The following ATG10 variants were observed in gnomAD, a reference collection of about 807,000 sequenced individuals.
ATG10 encodes the protein autophagy related 10, also known as ubiquitin-like-conjugating enzyme ATG10.
Under a neutral mutation model 32.1 loss-of-function variants are expected in ATG10, and 30 were observed. The observed-to-expected ratio is 0.94, with a 90% CI of 0.70 to 1.27. ATG10 has a LOEUF of 1.27. Among genes scored for constraint, ATG10 ranks in the 50% most tolerant of loss-of-function variants. The probability of loss-of-function intolerance (pLI) is 0.00; values close to 1 mark genes in which losing one functional copy is unlikely to be tolerated. For missense variants in ATG10, 233 were observed against 262.3 expected, an observed-to-expected ratio of 0.89 and a Z score of 0.77; for synonymous variants, 87 against 91.5, an observed-to-expected ratio of 0.95 and a Z score of 0.28.
At chr5:82,176,015 T>C (rs1744005514) in intron 4 of ATG10, among the ~76,000 whole-genome samples, 2 of 152,182 alleles carry the variant, frequency 1.3e-5, no homozygotes, top group South Asian at 2.1e-4. Flanking sequence ...TGCCCAATTA[T>C]ATAAAACATC....
intron 5 of ATG10, among the ~76,000 whole-genome samples, chr5:82,214,207 A>T (rs903604205): frequency 1.3e-5 from 2 of 152,252 alleles, no homozygotes; most frequent in African/African-American, 4.8e-5. Context: ...AATCACAAAT[A>T]TTTAAATATG....
At chr5:82,110,428 C>T (rs1428489470) in intron 3 of ATG10, among the ~76,000 whole-genome samples, 2 of 152,116 alleles carry the variant, frequency 1.3e-5, no homozygotes, top group African/African-American at 2.4e-5. Context: ...AGTGTAAAAG[C>T]ATTCCTATTT....
chr5:82,127,913 T>C lies in ATG10; in HGVS notation c.217-36486T>C, dbSNP rs372136437. 2.6e-5 allele frequency among the ~76,000 whole-genome samples: 4 copies of C among 152,120 alleles called. 1 individual carries two copies. Among genetic ancestry groups the C allele is most frequent in the South Asian group, 4.2e-4 (2 of 4,804 alleles). On this transcript the variant is annotated intron_variant, in intron 3 of 7. Coordinates refer to ENST00000282185, the MANE Select transcript of ATG10 (RefSeq NM_031482.5). ...GTCTTCCACTATTATTGTGTGGGAGTCTAAGTCTCTTTGTAGGTCTCTAAG... is the reference window on the plus strand; with the variant it reads ...GTCTTCCACTATTATTGTGTGGGAGCCTAAGTCTCTTTGTAGGTCTCTAAG...
intron 5 of ATG10, among the ~76,000 whole-genome samples, chr5:82,193,326 T>G (rs1744729235): frequency 6.6e-6 from 1 of 152,244 alleles, no homozygotes; most frequent in African/African-American, 2.4e-5. Context: ...CATGTCTAAG[T>G]AGCTTCCTCT....
intron 3 of ATG10, among the ~76,000 whole-genome samples, chr5:82,100,348 G>A (rs1042638979): frequency 6.6e-6 from 1 of 151,904 alleles, no homozygotes; most frequent in Non-Finnish European, 1.5e-5. Context: ...ATAAATGGGT[G>A]GTGGTGTTTT....
At chr5:82,151,188 A>G (rs1035086548) in intron 3 of ATG10, among the ~76,000 whole-genome samples, 1 of 152,346 alleles carries the variant, frequency 6.6e-6, no homozygotes, top group African/African-American at 2.4e-5. Context: ...GTTAGGCTCT[A>G]CTAATATTTA....
intron 3 of ATG10, among the ~76,000 whole-genome samples, chr5:82,120,955 C>A (rs890507221): frequency 9.9e-5 from 15 of 152,042 alleles, no homozygotes; most frequent in African/African-American, 3.4e-4. Flanking sequence ...ATTTGAAAAT[C>A]CTTTGAACTT....
intron 5 of ATG10, among the ~76,000 whole-genome samples, chr5:82,234,710 A>T (rs1459727695): frequency 6.6e-6 from 1 of 152,130 alleles, no homozygotes; most frequent in East Asian, 1.9e-4. Context: ...TCAACCTCTT[A>T]GTATTATTAT....
intron 3 of ATG10, among the ~76,000 whole-genome samples, chr5:82,085,682 T>A (rs548441468): frequency 1.3e-5 from 2 of 151,956 alleles, no homozygotes; most frequent in East Asian, 3.8e-4. Context: ...ACATGTAGAA[T>A]ATAGAATTGC....
At chr5:82,006,570 A>G (rs1761991787) in intron 2 of ATG10, among the ~76,000 whole-genome samples, 1 of 152,198 alleles carries the variant, frequency 6.6e-6, no homozygotes, top group Admixed American at 6.5e-5. Flanking sequence ...ATAATTATAT[A>G]TTAAAATTAA....
chr5:81,997,120 C>T (rs1445838427), intron 2 of ATG10, among the ~76,000 whole-genome samples: 1 of 152,178 alleles, frequency 6.6e-6, no homozygotes, highest in African/African-American at 2.4e-5. Context: ...CTGCACCCTC[C>T]AGTCCCCAGC....
At chr5:82,062,290 CT>C (rs1442229478) in intron 3 of ATG10, among the ~76,000 whole-genome samples, 2 of 151,922 alleles carry the variant, frequency 1.3e-5, no homozygotes, top group African/African-American at 4.8e-5. Flanking sequence ...ATGATAAACC[CT>C]TCATCTTCCA....
At chr5:82,054,170 G>A (rs1763513642) in intron 2 of ATG10, among the ~76,000 whole-genome samples, 1 of 152,130 alleles carries the variant, frequency 6.6e-6, no homozygotes. Flanking sequence ...ATTGGTCTGA[G>A]GTGAGACACC....
At chr5:82,220,635 CT>C (rs1189095698) in intron 5 of ATG10, among the ~76,000 whole-genome samples, 202 of 142,824 alleles carry the variant, frequency 1.4e-3, no homozygotes, top group Middle Eastern at 7.6e-3. Context: ...CTCTCTCTCT[CT>C]TTTTTTTTTT....
intron 2 of ATG10, among the ~76,000 whole-genome samples, chr5:81,998,967 T>G (rs1483917845): frequency 2.6e-5 from 4 of 152,116 alleles, no homozygotes; most frequent in Non-Finnish European, 5.9e-5. Flanking sequence ...TTGACAGTAT[T>G]AGATTGTTGA....
chr5:82,197,530 G>A (rs1006353430), intron 5 of ATG10, among the ~76,000 whole-genome samples: 2 of 151,846 alleles, frequency 1.3e-5, no homozygotes, highest in African/African-American at 2.4e-5. Flanking sequence ...CTGTCTGTCT[G>A]TCTTTCTTGG....
chr5:82,238,451 G>A (rs1428492827), intron 5 of ATG10, among the ~76,000 whole-genome samples: 1 of 151,644 alleles, frequency 6.6e-6, no homozygotes, highest in Non-Finnish European at 1.5e-5. Flanking sequence ...ACCTTTAGGA[G>A]TCTTTCTTCT....
intron 3 of ATG10, among the ~76,000 whole-genome samples, chr5:82,139,603 CG>C (rs1766964219): frequency 6.8e-6 from 1 of 147,300 alleles, no homozygotes; most frequent in African/African-American, 2.5e-5. Context: ...CCTCTCCGCC[CG>C]GCAGCCACCC....
intron 5 of ATG10, among the ~76,000 whole-genome samples, chr5:82,224,377 A>G (rs1459311598): frequency 6.6e-6 from 1 of 152,214 alleles, no homozygotes; most frequent in African/African-American, 2.4e-5. Flanking sequence ...AAGCCTGTAT[A>G]CATTATGCAT....
Sources: gnomAD v4.1 joint callset for allele counts (sites outside exome capture counted in the v4.1 genomes callset) on GRCh38, gnomAD v4.1.1 for gene constraint, MANE v1.5 for transcripts, NCBI Gene and HGNC (gene_info 2026-07-23, HGNC 2026-07-21) for gene names.